The following SEMA3A variants were observed in gnomAD, a reference collection of about 807,000 sequenced individuals.
SEMA3A encodes semaphorin-3A.
Under a neutral mutation model 97.9 loss-of-function variants are expected in SEMA3A, and 29 were observed. The ratio of observed to expected loss-of-function variants is 0.30; its 90% confidence interval spans 0.22 to 0.40. SEMA3A has a LOEUF of 0.40. Ranked by LOEUF, SEMA3A falls within the 10% of genes least tolerant of loss-of-function variation. SEMA3A has a pLI of 1.00. For missense variants in SEMA3A, 763 were observed against 951.3 expected (o/e 0.80, Z 2.60); for synonymous variants, 321 against 323.7 (o/e 0.99, Z 0.09).
chr7:84,486,961 T>C (rs902801577), intron 1 of SEMA3A, among the ~76,000 whole-genome samples: 1 of 152,078 alleles, frequency 6.6e-6, no homozygotes, highest in Non-Finnish European at 1.5e-5. Context: ...CCTCTCTGTC[T>C]CTCTCATACA....
chr7:84,094,556 G>A (rs1286844959), intron 4 of SEMA3A, among the ~76,000 whole-genome samples: 1 of 151,980 alleles, frequency 6.6e-6, no homozygotes, highest in Non-Finnish European at 1.5e-5. Context: ...TCACATATGT[G>A]CATGTCATCT....
intron 2 of SEMA3A, among the ~76,000 whole-genome samples, chr7:84,349,515 G>A (rs1802384641): frequency 6.6e-6 from 1 of 152,146 alleles, no homozygotes; most frequent in African/African-American, 2.4e-5. Flanking sequence ...TGTGAGCAAG[G>A]CAGTGAGTTC....
At chr7:84,202,942 A>G (rs1168662555) in intron 3 of SEMA3A, among the ~76,000 whole-genome samples, 2 of 152,080 alleles carry the variant, frequency 1.3e-5, no homozygotes, top group Non-Finnish European at 2.9e-5. Context: ...TGTTATACTC[A>G]TTTCATTAAT....
intron 2 of SEMA3A, among the ~76,000 whole-genome samples, chr7:84,345,708 C>T (rs1290793497): frequency 6.6e-6 from 1 of 152,178 alleles, no homozygotes; most frequent in African/African-American, 2.4e-5. Flanking sequence ...GACACAACTT[C>T]AGGCTCTACT....
intron 3 of SEMA3A, among the ~76,000 whole-genome samples, chr7:84,297,651 A>AC (rs1800904713): frequency 6.6e-6 from 1 of 152,056 alleles, no homozygotes; most frequent in Non-Finnish European, 1.5e-5. Flanking sequence ...TTATTTCTTT[A>AC]CCTTTGTTAT....
chr7:84,361,596 G>A (rs1046734241), intron 2 of SEMA3A, among the ~76,000 whole-genome samples: 4 of 151,894 alleles, frequency 2.6e-5, no homozygotes, highest in African/African-American at 9.7e-5. Flanking sequence ...TAGGGAGAAC[G>A]AGTAATATAA....
intron 3 of SEMA3A, among the ~76,000 whole-genome samples, chr7:84,277,747 T>C (rs1480307337): frequency 6.6e-6 from 1 of 152,132 alleles, no homozygotes; most frequent in African/African-American, 2.4e-5. Context: ...AATCGGGTCC[T>C]AGGCCTGGCT....
chr7:84,356,625 T>C (rs902133494), intron 2 of SEMA3A, among the ~76,000 whole-genome samples: 1 of 151,924 alleles, frequency 6.6e-6, no homozygotes, highest in Non-Finnish European at 1.5e-5. Flanking sequence ...ATATGCATTT[T>C]AGTAAGAAAA....
intron 9 of SEMA3A, among the ~76,000 whole-genome samples, chr7:84,009,232 T>C (rs541294078): frequency 6.6e-6 from 1 of 152,306 alleles, no homozygotes; most frequent in African/African-American, 2.4e-5. Flanking sequence ...CACACTCAAA[T>C]TTGAGTCACT....
At chr7:84,109,832 A>C (rs1277783600) in intron 4 of SEMA3A, among the ~76,000 whole-genome samples, 3 of 152,188 alleles carry the variant, frequency 2.0e-5, no homozygotes, top group Non-Finnish European at 4.4e-5. Context: ...AATTCACCAA[A>C]CTGCTTTCAA....
In SEMA3A at chr7:84,055,016, A is replaced by G. The variant is rs564025102; in HGVS notation, c.547+5449T>C. On this transcript the variant is annotated intron_variant, in intron 5 of 16. Transcript: ENST00000265362. Reference sequence around the variant, plus strand: ...GGGGTGCCTCCCAGTTAGGCTGCTCAGGGGTCAGGGGTCAGGGACCCACTT... The same window carrying G: ...GGGGTGCCTCCCAGTTAGGCTGCTCGGGGGTCAGGGGTCAGGGACCCACTT... 6.2e-4 allele frequency among the ~76,000 whole-genome samples: 95 copies of G among 152,052 alleles called. 1 individual carries two copies. In the South Asian group the frequency reaches 9.1e-3, roughly 15 times the overall value.
At chr7:84,054,355 A>T (rs994725242) in intron 5 of SEMA3A, among the ~76,000 whole-genome samples, 189 of 152,030 alleles carry the variant, frequency 1.2e-3, no homozygotes, top group African/African-American at 4.3e-3. Context: ...TACACCAATC[A>T]GATGTAGATT....
intron 1 of SEMA3A, among the ~76,000 whole-genome samples, chr7:84,474,104 GTTTC>G (rs1806219581): frequency 6.6e-6 from 1 of 152,086 alleles, no homozygotes; most frequent in African/African-American, 2.4e-5. Flanking sequence ...TTGGAAATAA[GTTTC>G]TTTCTGTTTT....
At chr7:83,982,901 C>A (rs890294952) in intron 13 of SEMA3A, among the ~76,000 whole-genome samples, 5 of 151,822 alleles carry the variant, frequency 3.3e-5, no homozygotes, top group African/African-American at 1.2e-4. Flanking sequence ...TGAAATCTCA[C>A]CAACTAACTT....
chr7:83,969,505 GC>G (rs1222561831), intron 15 of SEMA3A, among the ~76,000 whole-genome samples: 18 of 152,140 alleles, frequency 1.2e-4, no homozygotes, highest in African/African-American at 4.3e-4. Flanking sequence ...GCTGATGTTT[GC>G]TAAATGGCAA....
intron 2 of SEMA3A, among the ~76,000 whole-genome samples, chr7:84,341,451 A>C (rs1802165564): frequency 6.6e-6 from 1 of 152,154 alleles, no homozygotes; most frequent in South Asian, 2.1e-4. Context: ...TCTAAATTAA[A>C]AAATAAATCA....
chr7:84,033,863 T>C (rs1162929704), intron 6 of SEMA3A, among the ~76,000 whole-genome samples: 1 of 152,160 alleles, frequency 6.6e-6, no homozygotes, highest in Non-Finnish European at 1.5e-5. Context: ...GCCACACACG[T>C]AGTAGCAGGG....
intron 3 of SEMA3A, among the ~76,000 whole-genome samples, chr7:84,200,927 G>T (rs1021782030): frequency 2.0e-4 from 30 of 151,700 alleles, no homozygotes; most frequent in African/African-American, 7.3e-5. Flanking sequence ...AAAAAATGAG[G>T]CATCTGTGGA....
intron 4 of SEMA3A, among the ~76,000 whole-genome samples, chr7:84,094,143 T>C (rs575273505): frequency 6.6e-6 from 1 of 152,120 alleles, no homozygotes; most frequent in South Asian, 2.1e-4. Flanking sequence ...GAGAGTGGGA[T>C]GTCAATTAAG....
Sources: gnomAD v4.1 joint callset for allele counts (sites outside exome capture counted in the v4.1 genomes callset) on GRCh38, gnomAD v4.1.1 for gene constraint, MANE v1.5 for transcripts, NCBI Gene and HGNC (gene_info 2026-07-23, HGNC 2026-07-21) for gene names.